CEP170: variants seen among roughly 807,000 people sequenced by gnomAD.
CEP170 encodes centrosomal protein of 170 kDa.
In CEP170, 21 loss-of-function variants were observed where a neutral mutation model predicts 151.9. That is an observed-to-expected ratio of 0.14 (90% CI 0.10 to 0.20). The LOEUF is 0.20. Ranked by LOEUF, CEP170 falls within the 10% of genes least tolerant of loss-of-function variation. The pLI, the probability that CEP170 is intolerant of heterozygous loss-of-function variation, is 1.00. For missense variants in CEP170, 964 were observed against 1,892.9 expected (o/e 0.51, Z 9.11); for synonymous variants, 356 against 648.8 (o/e 0.55, Z 6.86).
rs2053556880 is a variant in CEP170 at position 243,124,464 on chromosome 1, G to T, written c.*1985C>A. 6.6e-6 allele frequency: 1 copy of T among 152,596 alleles called. No individual in the cohort carries two copies. Among genetic ancestry groups the T allele is most frequent in the Admixed American group, 6.5e-5 (1 of 15,272 alleles). 9.5% of individuals were successfully genotyped at this position (152,596 alleles called of 1,614,324 possible). A position where few individuals can be genotyped will look rare whatever the true frequency, so the allele number is the denominator to read the frequency against. On this transcript the variant is annotated 3_prime_UTR_variant, in exon 20 of 20. Coordinates refer to ENST00000366542, the MANE Select transcript of CEP170 (RefSeq NM_014812.3). ...AAACACTTTATTTAAAAATGGAGTT[G>T]TAAATGCATAACAAAATAACATAAG...
At chr1:243,136,012 G>C (rs2055028300) in intron 17 of CEP170, 131 bp downstream of exon 17, 9 of 1,421,382 alleles carry the variant, frequency 6.3e-6, no homozygotes, top group Non-Finnish European at 3.8e-6. Flanking sequence ...AGTAGTACTG[G>C]ATAGATATTT....
chr1:243,211,247 C>T (rs2061778677), intron 4 of CEP170: 1 of 151,994 alleles, frequency 6.6e-6, no homozygotes, highest in Non-Finnish European at 1.5e-5. Flanking sequence ...TCCTTCCCTT[C>T]ACTAGAGATT....
chr1:243,240,206 A>T (rs985848036), intron 1 of CEP170, among the ~76,000 whole-genome samples: 1 of 152,188 alleles, frequency 6.6e-6, no homozygotes, highest in East Asian at 1.9e-4. Context: ...GCTACTCAGG[A>T]GGCTGAGGTA....
intron 4 of CEP170, among the ~76,000 whole-genome samples, chr1:243,203,730 G>A (rs933611211): frequency 6.6e-5 from 10 of 151,642 alleles, no homozygotes; most frequent in Admixed American, 5.3e-4. Context: ...AATTCTTAAG[G>A]TTACCCAAAA....
chr1:243,172,070 T>C (rs919547911), intron 11 of CEP170, among the ~76,000 whole-genome samples: 7 of 152,202 alleles, frequency 4.6e-5, no homozygotes, highest in Non-Finnish European at 1.0e-4. Context: ...AGGAAACATA[T>C]ACTTCTAAGA....
chr1:243,253,195 G>A (rs1214192738), intron 1 of CEP170: 1 of 152,172 alleles, frequency 6.6e-6, no homozygotes, highest in East Asian at 1.9e-4. Flanking sequence ...CATGTAGTAA[G>A]TTACTTTATG....
At chr1:243,234,883 T>A (rs1207248585) in intron 1 of CEP170, among the ~76,000 whole-genome samples, 4 of 152,196 alleles carry the variant, frequency 2.6e-5, no homozygotes, top group Non-Finnish European at 5.9e-5. Flanking sequence ...TTGGTAGCAT[T>A]TATTGACTAC....
At chr1:243,242,268 G>C (rs1471602828) in intron 1 of CEP170, among the ~76,000 whole-genome samples, 1 of 152,138 alleles carries the variant, frequency 6.6e-6, no homozygotes, top group Non-Finnish European at 1.5e-5. Flanking sequence ...GCCCAGGCTG[G>C]AGTGCAGTGG....
At chr1:243,139,503 C>T (rs1016733131) in intron 16 of CEP170, among the ~76,000 whole-genome samples, 1 of 151,416 alleles carries the variant, frequency 6.6e-6, no homozygotes, top group Non-Finnish European at 1.5e-5. Context: ...TGTATTTCTA[C>T]CTTCTTTATT....
intron 8 of CEP170, among the ~76,000 whole-genome samples, chr1:243,186,991 T>TG (rs1354182404): frequency 2.0e-5 from 3 of 152,234 alleles, no homozygotes; most frequent in African/African-American, 7.2e-5. Flanking sequence ...CATTAATTAT[T>TG]GCAAAATTTT....
chr1:243,152,287 T>C (rs1045146388), intron 14 of CEP170, among the ~76,000 whole-genome samples: 3 of 150,512 alleles, frequency 2.0e-5, no homozygotes, highest in South Asian at 4.3e-4. Context: ...AGTGGCGCCA[T>C]CTCGGGTCAC....
intron 8 of CEP170, among the ~76,000 whole-genome samples, chr1:243,190,121 A>T (rs1420152796): frequency 6.6e-6 from 1 of 152,218 alleles, no homozygotes; most frequent in Non-Finnish European, 1.5e-5. Flanking sequence ...CATTGTTTTC[A>T]AATTAGTACC....
At chr1:243,246,226 CTTTTTTTTTTTT>C (rs774096892) in intron 1 of CEP170, among the ~76,000 whole-genome samples, 2 of 109,470 alleles carry the variant, frequency 1.8e-5, no homozygotes, top group Non-Finnish European at 3.6e-5. Flanking sequence ...GTGTTGTTTA[CTTTTTTTTTTTT>C]TTTTTTTTTT....
chr1:243,248,105 CAGGGGAGAATAACTGTGAA>C (rs2065594620), intron 1 of CEP170, among the ~76,000 whole-genome samples: 1 of 152,126 alleles, frequency 6.6e-6, no homozygotes, highest in South Asian at 2.1e-4. Flanking sequence ...TAGTAGTTGC[CAGGGGAGAATAACTGTGAA>C]CATTCATGTT....
At chr1:243,233,527 A>T (rs1366429091) in intron 1 of CEP170, among the ~76,000 whole-genome samples, 8 of 151,808 alleles carry the variant, frequency 5.3e-5, no homozygotes. Flanking sequence ...AGGTCAGGAG[A>T]TCAAGACCAT....
intron 1 of CEP170, among the ~76,000 whole-genome samples, chr1:243,238,307 T>C (rs377103891): frequency 2.2e-4 from 33 of 151,850 alleles, no homozygotes; most frequent in African/African-American, 8.0e-4. Context: ...AAAAAATAAA[T>C]AAATTGCCAG....
intron 3 of CEP170, among the ~76,000 whole-genome samples, chr1:243,216,494 T>A (rs2062312254): frequency 6.6e-6 from 1 of 152,088 alleles, no homozygotes; most frequent in South Asian, 2.1e-4. Context: ...TTTATTAGAT[T>A]TGAGATGGCC....
intron 14 of CEP170, among the ~76,000 whole-genome samples, chr1:243,149,794 A>G (rs1192370419): frequency 1.3e-5 from 2 of 152,236 alleles, no homozygotes; most frequent in African/African-American, 4.8e-5. Flanking sequence ...TACAGACAAT[A>G]AGAAAACCCA....
chr1:243,180,474 G>GA (rs2059551454), intron 10 of CEP170, among the ~76,000 whole-genome samples: 1 of 152,290 alleles, frequency 6.6e-6, no homozygotes, highest in African/African-American at 2.4e-5. Context: ...TCTCAATACA[G>GA]AAAAAATTGC....
Sources: allele counts gnomAD v4.1 joint callset (sites outside exome capture counted in the v4.1 genomes callset), GRCh38; gene constraint gnomAD v4.1.1; transcripts MANE v1.5; gene names NCBI Gene and HGNC (gene_info 2026-07-23, HGNC 2026-07-21).